The following KCNK13 variants were observed in gnomAD, a reference collection of about 807,000 sequenced individuals.
KCNK13 encodes potassium channel subfamily K member 13.
KCNK13 carries 12 observed loss-of-function variants against 23.4 expected under a neutral mutation model. That is an observed-to-expected ratio of 0.51 (90% CI 0.33 to 0.83). The LOEUF (loss-of-function observed/expected upper bound fraction) is 0.83, where lower values mean the gene tolerates loss of function less well. Among genes scored for constraint, KCNK13 ranks in the 40% least tolerant of loss-of-function variants. The pLI, the probability that KCNK13 is intolerant of heterozygous loss-of-function variation, is 0.02. For missense variants in KCNK13, 463 were observed against 556.3 expected, an observed-to-expected ratio of 0.83 and a Z score of 1.69; for synonymous variants, 231 against 229.5, an observed-to-expected ratio of 1.01 and a Z score of -0.06.
intron 1 of KCNK13, among the ~76,000 whole-genome samples, chr14:90,168,964 G>A (rs1890335156): frequency 6.6e-6 from 1 of 152,168 alleles, no homozygotes. Context: ...TGTAAGACAT[G>A]ACTTTGCTCC....
chr14:90,067,457 C>T (rs72697384), intron 1 of KCNK13, among the ~76,000 whole-genome samples: 14,851 of 152,048 alleles, frequency 0.098, 934 homozygotes, highest in African/African-American at 0.17. Context: ...GGCTGAGGGA[C>T]GGCCAGAAGT....
intron 1 of KCNK13, among the ~76,000 whole-genome samples, chr14:90,132,848 C>G (rs1036988562): frequency 3.3e-5 from 5 of 152,204 alleles, no homozygotes; most frequent in Admixed American, 6.5e-5. Context: ...TGTCCCATAT[C>G]TAATTCTCAT....
chr14:90,177,928 T>C lies in KCNK13; in HGVS notation c.335-6183T>C, dbSNP rs189253518. On this transcript the variant is annotated intron_variant, in intron 1 of 1. Transcript: ENST00000282146. ...AGTATATAGCTACATAAATATATTT[T>C]ACAAAGTTTATTCCTTCATCCAACA... is the stretch of plus-strand genomic sequence containing the variant. Among the ~76,000 whole-genome samples the C allele has an allele frequency of 3.9e-3, 600 of 152,342 alleles. 3 individuals carry two copies. The highest frequency in any genetic ancestry group is 0.014 in the African/African-American group (580 of 41,574).
chr14:90,107,736 C>T, intron 1 of KCNK13: 2 of 792,452 alleles, frequency 2.5e-6, no homozygotes, highest in East Asian at 5.0e-5. Context: ...TTCATCAAGC[C>T]CACCTTCCCA....
At chr14:90,087,692 AG>A (rs1330275982) in intron 1 of KCNK13, among the ~76,000 whole-genome samples, 3 of 152,216 alleles carry the variant, frequency 2.0e-5, no homozygotes, top group Admixed American at 1.3e-4. Context: ...CCAGGTGCTG[AG>A]GGTCATCATT....
intron 1 of KCNK13, among the ~76,000 whole-genome samples, chr14:90,089,549 T>C (rs966387738): frequency 1.3e-5 from 2 of 152,008 alleles, no homozygotes; most frequent in Admixed American, 6.6e-5. Context: ...GAAAAGAAAA[T>C]CCCATCTTCC....
intron 1 of KCNK13, among the ~76,000 whole-genome samples, chr14:90,124,525 T>C (rs1889773533): frequency 6.6e-6 from 1 of 152,246 alleles, no homozygotes; most frequent in Admixed American, 6.5e-5. Context: ...AGCTAGGGAA[T>C]GTGGGCAGCC....
intron 1 of KCNK13, among the ~76,000 whole-genome samples, chr14:90,067,182 T>C (rs1243313098): frequency 6.6e-6 from 1 of 152,144 alleles, no homozygotes; most frequent in African/African-American, 2.4e-5. Flanking sequence ...GGCAGGAGAA[T>C]TGCTGGAACC....
At chr14:90,072,698 G>T (rs148113505) in intron 1 of KCNK13, among the ~76,000 whole-genome samples, 12 of 152,222 alleles carry the variant, frequency 7.9e-5, no homozygotes, top group African/African-American at 2.9e-4. Flanking sequence ...TGATTTCTGC[G>T]ACTACACATA....
intron 1 of KCNK13, chr14:90,177,359 A>G (rs941036121): frequency 1.3e-5 from 2 of 152,260 alleles, no homozygotes; most frequent in Non-Finnish European, 2.9e-5. Flanking sequence ...ATAAAACATT[A>G]GAAAATAATT....
chr14:90,112,558 TAAAA>T (rs1209748357), intron 1 of KCNK13, among the ~76,000 whole-genome samples: 1 of 152,134 alleles, frequency 6.6e-6, no homozygotes, highest in Non-Finnish European at 1.5e-5. Context: ...TTGCAAGTGA[TAAAA>T]AAATTGTTGC....
intron 1 of KCNK13, among the ~76,000 whole-genome samples, chr14:90,147,106 G>A (rs994123441): frequency 7.9e-5 from 12 of 152,120 alleles, no homozygotes; most frequent in Admixed American, 7.9e-4. Context: ...GCATTTCTAT[G>A]TGCTGCCTGC....
At chr14:90,100,582 G>A (rs1889463249) in intron 1 of KCNK13, among the ~76,000 whole-genome samples, 1 of 152,206 alleles carries the variant, frequency 6.6e-6, no homozygotes, top group Non-Finnish European at 1.5e-5. Flanking sequence ...CATCAGATTA[G>A]TAGTGGCTAT....
intron 1 of KCNK13, among the ~76,000 whole-genome samples, chr14:90,169,790 A>C (rs980953259): frequency 7.2e-5 from 11 of 151,916 alleles, no homozygotes; most frequent in Admixed American, 1.3e-4. Flanking sequence ...GACTCTCATC[A>C]CCACTCTGGC....
chr14:90,151,297 C>T (rs79160313), intron 1 of KCNK13, among the ~76,000 whole-genome samples: 15,118 of 152,194 alleles, frequency 0.099, 1,039 homozygotes, highest in Admixed American at 0.24. Context: ...ACCACATCAA[C>T]GACACTTACC....
intron 1 of KCNK13, among the ~76,000 whole-genome samples, chr14:90,143,147 C>CTAACTTTCTTTCTTTA (rs1890029764): frequency 4.1e-5 from 1 of 24,348 alleles, no homozygotes; most frequent in African/African-American, 1.1e-4. Flanking sequence ...AGAGCAGAAA[C>CTAACTTTCTTTCTTTA]TTTCTTTCTT....
At chr14:90,076,078 C>G (rs1889131180) in intron 1 of KCNK13, among the ~76,000 whole-genome samples, 1 of 152,184 alleles carries the variant, frequency 6.6e-6, no homozygotes, top group African/African-American at 2.4e-5. Flanking sequence ...TTTCTTACTC[C>G]TAACTCTTTA....
chr14:90,118,543 A>G (rs1391001369), intron 1 of KCNK13, among the ~76,000 whole-genome samples: 1 of 152,170 alleles, frequency 6.6e-6, no homozygotes, highest in Non-Finnish European at 1.5e-5. Context: ...TTTGGCTTTT[A>G]TGAATAGTGC....
intron 1 of KCNK13, among the ~76,000 whole-genome samples, chr14:90,138,918 G>A (rs1444296517): frequency 6.6e-6 from 1 of 152,222 alleles, no homozygotes; most frequent in Admixed American, 6.5e-5. Flanking sequence ...CAGGGGAAGA[G>A]TATGGCCAGA....
Sources: allele counts gnomAD v4.1 joint callset (sites outside exome capture counted in the v4.1 genomes callset), GRCh38; gene constraint gnomAD v4.1.1; transcripts MANE v1.5; gene names NCBI Gene and HGNC (gene_info 2026-07-23, HGNC 2026-07-21).